Variants in DGKI observed in about 807,000 individuals in gnomAD.
DGKI encodes the protein DAG kinase iota.
Under a neutral mutation model 147.5 loss-of-function variants are expected in DGKI, and 55 were observed. The observed-to-expected ratio is 0.37, with a 90% confidence interval of 0.30 to 0.47. The LOEUF (loss-of-function observed/expected upper bound fraction) is 0.47. DGKI is among the 20% of genes least tolerant of loss of function. The pLI is 1.00. For missense variants in DGKI, 1,007 were observed against 1,323.8 expected (o/e 0.76, Z 3.71); for synonymous variants, 469 against 477.1 (o/e 0.98, Z 0.22).
chr7:137,770,331 G>A (rs1407895036), intron 1 of DGKI, among the ~76,000 whole-genome samples: 1 of 152,066 alleles, frequency 6.6e-6, no homozygotes, highest in African/African-American at 2.4e-5. Flanking sequence ...TGGGAGGCAG[G>A]GGAGGGAGAG....
chr7:137,617,676 G>C (rs537020415), intron 8 of DGKI, among the ~76,000 whole-genome samples: 2 of 152,024 alleles, frequency 1.3e-5, no homozygotes, highest in Non-Finnish European at 2.9e-5. Flanking sequence ...GACCACCAGG[G>C]ATGCTCCTGG....
chr7:137,672,029 A>T (rs2116353742), intron 3 of DGKI, among the ~76,000 whole-genome samples: 1 of 152,312 alleles, frequency 6.6e-6, no homozygotes, highest in East Asian at 1.9e-4. Flanking sequence ...TTCCTCTTAC[A>T]CAACATACAC....
rs573078826 is a variant in DGKI at position 137,819,084 on chromosome 7, C to T, written c.401+27378G>A. Among the ~76,000 whole-genome samples the T allele has an allele frequency of 1.8e-3, 280 of 152,192 alleles. 11 individuals carry two copies. The highest frequency in any genetic ancestry group is 0.018 in the Admixed American group (270 of 15,292). On this transcript the variant is annotated intron_variant, in intron 1 of 32. Coordinates refer to ENST00000614521, the MANE Select transcript of DGKI (RefSeq NM_001321708.2). ...AGTGCTTTAGCCATGGTCAAAAGCA[C>T]GATCAAAGGCTGAAACAAGACTTGC...
chr7:137,537,131 CTG>C (rs1331697916), intron 20 of DGKI, among the ~76,000 whole-genome samples: 4 of 152,118 alleles, frequency 2.6e-5, no homozygotes, highest in Non-Finnish European at 5.9e-5. Flanking sequence ...AGTCAAGAAA[CTG>C]TGCACAGTCT....
intron 30 of DGKI, among the ~76,000 whole-genome samples, chr7:137,402,612 C>T (rs180844243): frequency 9.8e-5 from 15 of 152,334 alleles, no homozygotes; most frequent in African/African-American, 3.4e-4. Context: ...CTTTAATTTG[C>T]TTCCCACACC....
At chr7:137,460,536 C>T (rs962218573) in intron 27 of DGKI, among the ~76,000 whole-genome samples, 3 of 152,152 alleles carry the variant, frequency 2.0e-5, no homozygotes, top group African/African-American at 4.8e-5. Flanking sequence ...ATCCAAAATG[C>T]TTGGGACCAG....
chr7:137,519,159 G>C (rs1184377459), intron 21 of DGKI, among the ~76,000 whole-genome samples: 1 of 152,062 alleles, frequency 6.6e-6, no homozygotes, highest in Non-Finnish European at 1.5e-5. Context: ...TTGCCCCCCA[G>C]TGAGATGGGG....
chr7:137,835,981 G>A (rs924635708), intron 1 of DGKI, among the ~76,000 whole-genome samples: 4 of 152,142 alleles, frequency 2.6e-5, no homozygotes, highest in African/African-American at 9.7e-5. Context: ...AAAACAATAC[G>A]GGGTTGCCTA....
chr7:137,609,180 T>TTTTTTTTTTTTTTTTTTTTTGAGACGG, intron 9 of DGKI, 116 bp from the exon 10 acceptor site: 1 of 711,340 alleles, frequency 1.4e-6, no homozygotes. Context: ...GGCTGACTCT[T>TTTTTTTTTTTTTTTTTTTTTGAGACGG]AACACGACTT....
intron 5 of DGKI, among the ~76,000 whole-genome samples, chr7:137,652,124 G>A (rs571334664): frequency 6.6e-6 from 1 of 152,132 alleles, no homozygotes; most frequent in African/African-American, 2.4e-5. Context: ...AATGTTTTTG[G>A]GTTTTTTTAA....
intron 3 of DGKI, among the ~76,000 whole-genome samples, chr7:137,676,924 A>C (rs770080981): frequency 3.3e-5 from 5 of 152,242 alleles, no homozygotes; most frequent in African/African-American, 4.8e-5. Context: ...GAAATAAGGG[A>C]TGACTCTGTA....
At chr7:137,764,659 A>G (rs1431360309) in intron 1 of DGKI, among the ~76,000 whole-genome samples, 1 of 152,186 alleles carries the variant, frequency 6.6e-6, no homozygotes, top group Non-Finnish European at 1.5e-5. Context: ...TGTCTAGGGT[A>G]CCTGCAACAG....
intron 28 of DGKI, among the ~76,000 whole-genome samples, chr7:137,417,437 A>C (rs767653089): frequency 1.3e-5 from 2 of 152,212 alleles, no homozygotes; most frequent in East Asian, 1.9e-4. Context: ...TTTTCAGTAC[A>C]CATACCAACA....
intron 10 of DGKI, among the ~76,000 whole-genome samples, chr7:137,601,887 G>C (rs1173153171): frequency 6.6e-6 from 1 of 152,094 alleles, no homozygotes; most frequent in African/African-American, 2.4e-5. Context: ...TCATGTGCTT[G>C]CTATAATTTT....
At chr7:137,831,156 C>T (rs542727024) in intron 1 of DGKI, among the ~76,000 whole-genome samples, 1 of 152,324 alleles carries the variant, frequency 6.6e-6, no homozygotes. Flanking sequence ...CTCTCTGGCA[C>T]TGAGGACATT....
At chr7:137,676,184 G>A (rs1485174140) in intron 3 of DGKI, among the ~76,000 whole-genome samples, 2 of 152,072 alleles carry the variant, frequency 1.3e-5, no homozygotes, top group East Asian at 1.9e-4. Context: ...TACACTCCTG[G>A]CAGCTGATGA....
At chr7:137,532,182 T>C (rs1483327478) in intron 20 of DGKI, among the ~76,000 whole-genome samples, 1 of 152,100 alleles carries the variant, frequency 6.6e-6, no homozygotes, top group Admixed American at 6.6e-5. Flanking sequence ...ATAGAAAGAA[T>C]GGAATGTATG....
chr7:137,827,411 C>G (rs1260231028), intron 1 of DGKI, among the ~76,000 whole-genome samples: 2 of 152,178 alleles, frequency 1.3e-5, no homozygotes, highest in African/African-American at 4.8e-5. Context: ...TACTTCATCA[C>G]CATTCACACT....
chr7:137,674,596 C>T (rs1822963633), intron 3 of DGKI, among the ~76,000 whole-genome samples: 3 of 152,248 alleles, frequency 2.0e-5, no homozygotes, highest in Admixed American at 2.0e-4. Context: ...ATATGCACTC[C>T]AAGTTTTGTT....
Sources: gnomAD v4.1 joint callset for allele counts (sites outside exome capture counted in the v4.1 genomes callset) on GRCh38, gnomAD v4.1.1 for gene constraint, MANE v1.5 for transcripts, NCBI Gene and HGNC (gene_info 2026-07-23, HGNC 2026-07-21) for gene names.